The following NBN variants were observed in gnomAD, a reference collection of about 807,000 sequenced individuals.
NBN encodes the protein Nijmegen breakage syndrome 1 (nibrin).
NBN carries 88 observed loss-of-function variants against 90.8 expected under a neutral mutation model. The observed-to-expected ratio is 0.97, with a 90% CI of 0.82 to 1.16. The LOEUF is 1.16. Among genes scored for constraint, NBN ranks in the 50% most tolerant of loss-of-function variants. The pLI is 0.00. For synonymous variants in NBN, 328 were observed against 295.1 expected (o/e 1.11, Z -1.14); for missense variants, 894 against 869.6 (o/e 1.03, Z -0.35).
rs558404569 is a variant in NBN at position 89,974,087 on chromosome 8, G to A, written c.585-2797C>T. Among the ~76,000 whole-genome samples, 15 of 151,944 alleles carry A rather than the reference G, an allele frequency of 9.9e-5. No individual in the cohort carries two copies. In the South Asian group the frequency reaches 2.7e-3, roughly 27 times the overall value. ...CAGTATATCATTTTCACTTCTGTAC[G>A]AAGATTTTGCAAATACAGAATTTTT... On this transcript the variant is annotated intron_variant, in intron 5 of 15. Transcript: ENST00000265433.
Position 89,970,439 on chromosome 8 carries a change from C to T in NBN, c.821G>A (p.Gly274Glu), listed in dbSNP as rs2129828673. The change falls in exon 7 of 16, where the codon GGA becomes GAA. Residue 274 changes from glycine to glutamate, a missense_variant. Coordinates refer to ENST00000265433, the MANE Select transcript of NBN (RefSeq NM_002485.5). ...AATTAAGGTCTGTGAGTTTGTTATT[C>T]CTGTATCAACAACACACGTTCCCGG... ...LAPGTCVVDT[G>E]ITNSQTLIPD... 4 of 1,613,996 alleles carry T rather than the reference C, an allele frequency of 2.5e-6. No homozygotes were observed. Among genetic ancestry groups the T allele is most frequent in the Non-Finnish European group, 3.4e-6 (4 of 1,179,928 alleles).
chr8:89,963,556 C>T (rs566139808), intron 8 of NBN, among the ~76,000 whole-genome samples: 2 of 152,258 alleles, frequency 1.3e-5, no homozygotes, highest in East Asian at 3.9e-4. Context: ...TTTACAACAA[C>T]TTACTAAAAA....
At chr8:89,970,080 C>T (rs536567419) in intron 7 of NBN, among the ~76,000 whole-genome samples, 25 of 152,172 alleles carry the variant, frequency 1.6e-4, no homozygotes, top group African/African-American at 6.0e-4. Flanking sequence ...AAAACCCTGT[C>T]TCTACTAAAA....
chr8:89,981,638 G>C, intron 2 of NBN, 115 bp from the exon 3 acceptor site: 1 of 1,038,864 alleles, frequency 9.6e-7, no homozygotes, highest in South Asian at 1.4e-5. Context: ...CAACACGGCA[G>C]ACAACAATTA....
Position 89,943,338 on chromosome 8 carries a change from G to C in NBN, c.2099C>G (p.Pro700Arg), listed in dbSNP as rs1367898317. The C allele has an allele frequency of 1.2e-6, 2 of 1,609,210 alleles. No homozygotes were observed. The highest frequency in any genetic ancestry group is 1.7e-6 in the Non-Finnish European group (2 of 1,175,840). ...KVTYPGAGKL[P>R]HIIGGSDLIA... ...TAGATCTGATCCTCCAATGATGTGT[G>C]GAAGTTTTCCTGCTCCAGGATATGT... Residue 700 changes from proline (P) to arginine (R), a missense_variant, in exon 14 of 16, where the codon CCA (proline) becomes CGA (arginine). Coordinates refer to ENST00000265433, the MANE Select transcript of NBN (RefSeq NM_002485.5).
At position 89,970,482 on chromosome 8, in the gene NBN, G is replaced by C; in HGVS notation, c.778C>G (p.His260Asp). 1 of 1,613,714 alleles carries C rather than the reference G, an allele frequency of 6.2e-7. No individual in the cohort carries two copies. The highest frequency in any genetic ancestry group is 8.5e-7 in the Non-Finnish European group (1 of 1,179,722). The change falls in exon 7 of 16, where the codon CAT (histidine) becomes GAT (aspartate). Residue 260 changes from histidine to aspartate, a missense_variant. His to Asp is a moderately conservative substitution (Grantham distance 81). Coordinates refer to ENST00000265433, the MANE Select transcript of NBN (RefSeq NM_002485.5). ...GTTCCCGGAGCCAAAAAGAAATTAT[G>C]TTCTTCTTCATTCTCTTCTGTTATC... ...RLITEENEEE[H>D]NFFLAPGTCV...
intron 12 of NBN, chr8:89,946,667 T>C (rs1255765661): frequency 1.6e-5 from 4 of 244,740 alleles, no homozygotes; most frequent in Non-Finnish European, 2.4e-5. Context: ...ATTAAAATTG[T>C]ACACTGAGAT....
chr8:89,971,175 GT>G lies in NBN; in HGVS notation c.699del (p.Lys233AsnfsTer6). 6.2e-7 allele frequency: 1 copy of G among 1,611,610 alleles called. No homozygotes were observed. The highest frequency in any genetic ancestry group is 1.1e-5 in the South Asian group (1 of 91,002). ...AATTTAGCTTATAACATAATTACCT[GT>G]TTGGCATTCAAAAATATAAATGTTT... The part of the protein sequence containing the change: ...KGKTFIFLNA[K>X]QHKKLSSAVV... On this transcript the variant is annotated frameshift_variant, in exon 6 of 16. Coordinates refer to ENST00000265433, the MANE Select transcript of NBN (RefSeq NM_002485.5). LOFTEE classifies it high-confidence loss of function.
chr8:89,937,638 C>A (rs1809754162), intron 14 of NBN, among the ~76,000 whole-genome samples: 1 of 152,184 alleles, frequency 6.6e-6, no homozygotes. Flanking sequence ...TCTAGCTATG[C>A]CCTTATCATA....
rs367760321 is a variant in NBN at position 89,955,298 on chromosome 8, G to A, written c.1382C>T (p.Pro461Leu). ...QTNSIRNYFQ[P>L]STKKRERDEE... Reference sequence around the variant, plus strand: ...AAAAACAGACCTTTTTTTGGTAGACGGCTGAAAGTAGTTTCTGATGGAGTT... The same window carrying A: ...AAAAACAGACCTTTTTTTGGTAGACAGCTGAAAGTAGTTTCTGATGGAGTT... The change falls in exon 10 of 16, where the codon CCG becomes CTG. Residue 461 changes from proline (P) to leucine (L), a missense_variant. Coordinates refer to ENST00000265433, the MANE Select transcript of NBN (RefSeq NM_002485.5). 1.7e-5 allele frequency: 28 copies of A among 1,613,062 alleles called. No homozygotes were observed. In the African/African-American group the frequency reaches 2.1e-4, roughly 12 times the overall value.
At chr8:89,981,564 G>A (rs772863656) in intron 2 of NBN, 41 bp from the exon 3 acceptor site, 1 of 1,605,138 alleles carries the variant, frequency 6.2e-7, no homozygotes, top group Non-Finnish European at 8.5e-7. Context: ...TTACCACTCA[G>A]TACATTCACT....
intron 1 of NBN, 56 bp from the exon 2 acceptor site, chr8:89,982,911 A>G: frequency 2.0e-6 from 3 of 1,524,478 alleles, no homozygotes; most frequent in Non-Finnish European, 2.7e-6. Flanking sequence ...ACACATGTAC[A>G]CGAACACACA....
chr8:89,970,364 C>A lies in NBN; in HGVS notation c.896G>T (p.Arg299Met). The change falls in exon 7 of 16, where the codon AGG becomes ATG. Residue 299 changes from arginine to methionine, a missense_variant and splice_region_variant. Arg to Met is a moderately conservative substitution (Grantham distance 91). Coordinates refer to ENST00000265433, the MANE Select transcript of NBN (RefSeq NM_002485.5). ...WIQSIMDMLQ[R>M]QGLRPIPEAE... ...TTACTAATAAAGAATAATTCTATAC[C>A]TTTGGAGCATATCCATTATTGACTG... 1 of 1,605,560 alleles carries A rather than the reference C, an allele frequency of 6.2e-7. No homozygotes were observed. The highest frequency in any genetic ancestry group is 8.5e-7 in the Non-Finnish European group (1 of 1,172,636).
At position 89,980,741 on chromosome 8, in the gene NBN, G is replaced by T. The variant is rs1271849120; in HGVS notation, c.473C>A (p.Thr158Asn). 6.2e-7 allele frequency: 1 copy of T among 1,611,200 alleles called. No individual in the cohort carries two copies. Among genetic ancestry groups the T allele is most frequent in the Admixed American group, 1.7e-5 (1 of 60,006 alleles). ...ACAAGACATTCAACCTACTTTAATGGTAACTTTCACTGATACCATGACAAG... is the reference window on the plus strand; with the variant it reads ...ACAAGACATTCAACCTACTTTAATGTTAACTTTCACTGATACCATGACAAG... ...THLVMVSVKVTIKTICALICG... is the reference protein window; with the variant it reads ...THLVMVSVKVNIKTICALICG... Residue 158 changes from threonine to asparagine, a missense_variant, in exon 4 of 16, where the codon ACC becomes AAC. Physicochemically the swap from Thr to Asn is moderately conservative, Grantham distance 65. Transcript: ENST00000265433.
chr8:89,951,456 CCTAA>C (rs1330035176), intron 11 of NBN, among the ~76,000 whole-genome samples: 4 of 151,986 alleles, frequency 2.6e-5, no homozygotes, highest in Non-Finnish European at 5.9e-5. Context: ...GTAAAAAGTG[CCTAA>C]CTTTCTAAAC....
rs1379569864 is a variant in NBN, at chr8:89,934,103, TA to T, written c.*1478del. 4 of 230,136 alleles carry T rather than the reference TA, an allele frequency of 1.7e-5. No individual in the cohort carries two copies. Among genetic ancestry groups the T allele is most frequent in the Non-Finnish European group, 3.4e-5 (4 of 116,270 alleles). 14.3% of individuals were successfully genotyped at this position (230,136 alleles called of 1,614,324 possible). A position where few individuals can be genotyped will look rare whatever the true frequency, so the allele number is the denominator to read the frequency against. ...TTGTGGGCATGACAGAGAACAATAT[TA>T]ATCTGTCCATTATATTCCTTAACTG... is the stretch of plus-strand genomic sequence containing the variant. On this transcript the variant is annotated 3_prime_UTR_variant, in exon 16 of 16. Transcript: ENST00000265433.
rs13312985 is a variant in NBN, at chr8:89,934,360, T to G, written c.*1222A>C. 1,060 of 233,044 alleles carry G rather than the reference T, an allele frequency of 4.5e-3. 14 individuals carry two copies. The highest frequency in any genetic ancestry group is 0.021 in the African/African-American group (954 of 45,452). The allele number at this position is 233,044 out of a possible 1,614,324, so 14.4% of individuals were successfully genotyped here. On this transcript the variant is annotated 3_prime_UTR_variant, in exon 16 of 16. Transcript: ENST00000265433. ...AATGCCTGTAGTAGAAATTGCAGAT[T>G]GGCTCACCCAATTTCTGTTCCCTAG...
intron 8 of NBN, among the ~76,000 whole-genome samples, chr8:89,963,829 T>C (rs758700258): frequency 6.6e-6 from 1 of 152,236 alleles, no homozygotes; most frequent in South Asian, 2.1e-4. Flanking sequence ...ACTATTACCA[T>C]GCTGGTCCAA....
At chr8:89,937,246 T>A (rs141963350) in intron 14 of NBN, 171 bp from the exon 15 acceptor site, 61 of 636,000 alleles carry the variant, frequency 9.6e-5, no homozygotes, top group South Asian at 8.2e-4. Flanking sequence ...ATATTTTCAA[T>A]CCATGCTAAG....
Sources: allele counts gnomAD v4.1 joint callset (sites outside exome capture counted in the v4.1 genomes callset), GRCh38; gene constraint gnomAD v4.1.1; transcripts MANE v1.5; gene names NCBI Gene and HGNC (gene_info 2026-07-23, HGNC 2026-07-21).